The following ADARB2 variants were observed in gnomAD, a reference collection of about 807,000 sequenced individuals.
The protein encoded by ADARB2 is adenosine deaminase RNA specific B2 (inactive), also known as inactive double-stranded RNA-specific editase B2.
In ADARB2, 25 loss-of-function variants were observed where a neutral mutation model predicts 62.2. The observed-to-expected ratio is 0.40, with a 90% CI of 0.29 to 0.56. The LOEUF (loss-of-function observed/expected upper bound fraction) is 0.56, where lower values mean the gene tolerates loss of function less well. Among genes scored for constraint, ADARB2 ranks in the 20% least tolerant of loss-of-function variants. ADARB2 has a pLI of 0.43. For synonymous variants in ADARB2, 572 were observed against 500.8 expected (o/e 1.14, Z -1.90); for missense variants, 1,071 against 1,077.4 (o/e 0.99, Z 0.08).
rs549544859 is a variant in ADARB2 at position 1,297,561 on chromosome 10, G to A, written c.1078-26492C>T. Reference sequence around the variant, plus strand: ...GCCCTCTGACCCAGAGACCCCCGAGGGTGGCTGCGTGGCATCGCCTGGACA... The same window carrying A: ...GCCCTCTGACCCAGAGACCCCCGAGAGTGGCTGCGTGGCATCGCCTGGACA... On this transcript the variant is annotated intron_variant, in intron 3 of 9. Coordinates refer to ENST00000381312, the MANE Select transcript of ADARB2 (RefSeq NM_018702.4). Among the ~76,000 whole-genome samples the A allele has an allele frequency of 2.0e-5, 3 of 152,266 alleles. No homozygotes were observed. The South Asian group carries it at 6.2e-4, about 32-fold the overall frequency.
intron 8 of ADARB2, among the ~76,000 whole-genome samples, chr10:1,190,036 G>A (rs1031079514): frequency 9.9e-5 from 15 of 152,102 alleles, no homozygotes; most frequent in African/African-American, 1.7e-4. Context: ...GACCTGTGGC[G>A]ATTGAGGGAC....
At position 1,255,357 on chromosome 10, in the gene ADARB2, G is replaced by A. The variant is rs976727436; in HGVS notation, c.1193-13058C>T. Reference sequence around the variant, plus strand: ...GCTTGTCCTCGTCAGTGCAGCTGACGCTCACCAAGCCTTCTGTGCCAGGCA... The same window carrying A: ...GCTTGTCCTCGTCAGTGCAGCTGACACTCACCAAGCCTTCTGTGCCAGGCA... On this transcript the variant is annotated intron_variant, in intron 4 of 9. Transcript: ENST00000381312. This position sits in a 1 kb window ranked among gnomAD's most constrained non-coding sequence, Gnocchi z 4.7. Among the ~76,000 whole-genome samples the A allele has an allele frequency of 3.3e-4, 50 of 152,242 alleles. No individual in the cohort carries two copies. The highest frequency in any genetic ancestry group is 3.1e-3 in the Admixed American group (47 of 15,288).
intron 3 of ADARB2, among the ~76,000 whole-genome samples, chr10:1,344,730 C>T (rs1025240540): frequency 3.3e-5 from 5 of 152,126 alleles, no homozygotes; most frequent in East Asian, 1.9e-4. Context: ...ACTTCTGGGA[C>T]GGGCACGGCG....
intron 3 of ADARB2, among the ~76,000 whole-genome samples, chr10:1,280,743 TGCTCCGTGAAATTCCTAAGTGAC>T (rs1195809302): frequency 2.9e-3 from 438 of 152,136 alleles, no homozygotes; most frequent in Admixed American, 5.0e-3. Context: ...TCCTAAGTGA[TGCTCCGTGAAATTCCTAAGTGAC>T]GCTCCGTGAA....
intron 1 of ADARB2, among the ~76,000 whole-genome samples, chr10:1,601,661 G>C (rs571448453): frequency 6.6e-6 from 1 of 152,136 alleles, no homozygotes; most frequent in Non-Finnish European, 1.5e-5. Flanking sequence ...AAAGCTGATC[G>C]GTGTCCAAGG....
At chr10:1,457,121 A>C (rs1831105065) in intron 1 of ADARB2, among the ~76,000 whole-genome samples, 1 of 152,218 alleles carries the variant, frequency 6.6e-6, no homozygotes, top group African/African-American at 2.4e-5. Flanking sequence ...ACAGGTTTTC[A>C]TCCTAAATGA....
At chr10:1,645,449 G>A (rs530387625) in intron 1 of ADARB2, among the ~76,000 whole-genome samples, 1 of 152,312 alleles carries the variant, frequency 6.6e-6, no homozygotes, top group African/African-American at 2.4e-5. Context: ...GAAGTAAGGG[G>A]GATGCAACCA....
intron 1 of ADARB2, among the ~76,000 whole-genome samples, chr10:1,417,108 G>A (rs1832810745): frequency 6.6e-6 from 1 of 152,148 alleles, no homozygotes; most frequent in Admixed American, 6.5e-5. Context: ...AGACCAGATG[G>A]CCAGGAAGTG....
At chr10:1,236,308 C>T (rs1218956727) in intron 5 of ADARB2, among the ~76,000 whole-genome samples, 3 of 33,782 alleles carry the variant, frequency 8.9e-5, no homozygotes, top group East Asian at 2.5e-3. Context: ...CTCCCCTCTC[C>T]CTCCCGGTGT....
intron 1 of ADARB2, among the ~76,000 whole-genome samples, chr10:1,640,434 G>T (rs1299603676): frequency 2.0e-5 from 3 of 152,228 alleles, no homozygotes; most frequent in Non-Finnish European, 4.4e-5. Context: ...TTAAAAGCAA[G>T]TGTCAGAGCT....
intron 1 of ADARB2, among the ~76,000 whole-genome samples, chr10:1,598,480 G>A (rs1273567655): frequency 6.6e-6 from 1 of 152,256 alleles, no homozygotes; most frequent in Non-Finnish European, 1.5e-5. Context: ...CCACCACCCA[G>A]CCTTGCTCAG....
At chr10:1,607,463 C>G (rs1197377584) in intron 1 of ADARB2, among the ~76,000 whole-genome samples, 1 of 152,198 alleles carries the variant, frequency 6.6e-6, no homozygotes. Flanking sequence ...ATGCTGTGAT[C>G]TGCAGCTGAG....
intron 1 of ADARB2, among the ~76,000 whole-genome samples, chr10:1,494,967 T>C (rs1272614012): frequency 6.6e-6 from 1 of 152,224 alleles, no homozygotes; most frequent in African/African-American, 2.4e-5. Flanking sequence ...AAGATTTTTC[T>C]AGGTTTTCTC....
intron 3 of ADARB2, among the ~76,000 whole-genome samples, chr10:1,325,313 C>G (rs1309667921): frequency 1.3e-5 from 2 of 152,196 alleles, no homozygotes; most frequent in African/African-American, 4.8e-5. Flanking sequence ...ATGAGGACTT[C>G]CGACTGCACG....
intron 1 of ADARB2, among the ~76,000 whole-genome samples, chr10:1,544,062 A>T (rs1832482172): frequency 6.6e-6 from 1 of 151,514 alleles, no homozygotes; most frequent in Non-Finnish European, 1.5e-5. Flanking sequence ...GACGTGATGA[A>T]AGGGCAATGA....
intron 1 of ADARB2, among the ~76,000 whole-genome samples, chr10:1,732,067 CA>C (rs1835240261): frequency 6.6e-6 from 1 of 151,988 alleles, no homozygotes; most frequent in Non-Finnish European, 1.5e-5. Flanking sequence ...AGGAGTTGTT[CA>C]AAATTGTTCA....
At chr10:1,508,206 G>A (rs1159757096) in intron 1 of ADARB2, among the ~76,000 whole-genome samples, 2 of 152,180 alleles carry the variant, frequency 1.3e-5, no homozygotes, top group Admixed American at 1.3e-4. Flanking sequence ...TGGTGGTTGA[G>A]AGCCCTCACT....
chr10:1,293,886 T>G (rs1831500203), intron 3 of ADARB2, among the ~76,000 whole-genome samples: 1 of 152,010 alleles, frequency 6.6e-6, no homozygotes, highest in South Asian at 2.1e-4. Context: ...CAGACTTTAC[T>G]CACTGATGCC....
chr10:1,409,955 A>G (rs1832744721), intron 1 of ADARB2, among the ~76,000 whole-genome samples: 2 of 35,612 alleles, frequency 5.6e-5, no homozygotes, highest in African/African-American at 7.9e-5. Context: ...AGTGGTGCCG[A>G]GGCCTGGCTG....
Sources: gnomAD v4.1 joint callset for allele counts (sites outside exome capture counted in the v4.1 genomes callset) on GRCh38, gnomAD v4.1.1 for gene constraint, Gnocchi (gnomAD v3.1) non-coding constraint, MANE v1.5 for transcripts, NCBI Gene and HGNC (gene_info 2026-07-23, HGNC 2026-07-21) for gene names.